Variants in SRPK2 observed in about 807,000 individuals in gnomAD.
SRPK2 encodes the protein SRSF protein kinase 2.
SRPK2 carries 21 observed loss-of-function variants against 90.8 expected under a neutral mutation model. That is an observed-to-expected ratio of 0.23 (90% confidence interval 0.16 to 0.33). The LOEUF (loss-of-function observed/expected upper bound fraction) is 0.33. Ranked by LOEUF, SRPK2 falls within the 10% of genes least tolerant of loss-of-function variation. The probability of loss-of-function intolerance (pLI) is 1.00; values close to 1 mark genes in which losing one functional copy is unlikely to be tolerated. For synonymous variants in SRPK2, 288 were observed against 311.1 expected (o/e 0.93, Z 0.78); for missense variants, 620 against 869.0 (o/e 0.71, Z 3.60).
intron 2 of SRPK2, among the ~76,000 whole-genome samples, chr7:105,378,126 C>T (rs1820522945): frequency 6.6e-6 from 1 of 152,156 alleles, no homozygotes; most frequent in African/African-American, 2.4e-5. Flanking sequence ...AGACTACACG[C>T]CATTTTAAAC....
At chr7:105,362,535 A>G (rs977480300) in intron 2 of SRPK2, among the ~76,000 whole-genome samples, 1 of 150,966 alleles carries the variant, frequency 6.6e-6, no homozygotes, top group Non-Finnish European at 1.5e-5. Context: ...AAAAAAAAAA[A>G]GTCAGGAAAC....
chr7:105,347,608 C>T (rs1398803687), intron 2 of SRPK2, among the ~76,000 whole-genome samples: 1 of 151,926 alleles, frequency 6.6e-6, no homozygotes, highest in Non-Finnish European at 1.5e-5. Context: ...ACTCCCAGCA[C>T]TTTGGGAGAC....
chr7:105,262,961 C>T (rs971675544), intron 2 of SRPK2, among the ~76,000 whole-genome samples: 2 of 152,326 alleles, frequency 1.3e-5, no homozygotes, highest in Non-Finnish European at 2.9e-5. Flanking sequence ...CACTAAAACT[C>T]AGCAACTGCA....
intron 2 of SRPK2, among the ~76,000 whole-genome samples, chr7:105,283,658 G>T (rs750421795): frequency 6.6e-6 from 1 of 152,138 alleles, no homozygotes; most frequent in Non-Finnish European, 1.5e-5. Flanking sequence ...TCTCTTTGAG[G>T]TGATGAAAAT....
At chr7:105,267,621 T>G (rs1034752702) in intron 2 of SRPK2, among the ~76,000 whole-genome samples, 2 of 152,188 alleles carry the variant, frequency 1.3e-5, no homozygotes, top group African/African-American at 4.8e-5. Flanking sequence ...TCATTTTTAT[T>G]TGTGATGCCC....
At chr7:105,352,390 CAAG>C (rs1259402979) in intron 2 of SRPK2, among the ~76,000 whole-genome samples, 3 of 152,196 alleles carry the variant, frequency 2.0e-5, no homozygotes, top group Admixed American at 1.3e-4. Flanking sequence ...TGAGAACATT[CAAG>C]AAGAGGTCCA....
At chr7:105,363,562 A>G (rs1366703586) in intron 2 of SRPK2, among the ~76,000 whole-genome samples, 2 of 152,274 alleles carry the variant, frequency 1.3e-5, no homozygotes, top group African/African-American at 2.4e-5. Context: ...AAATAGGAAC[A>G]CTTTTACACG....
chr7:105,191,864 AAAAAAAAAC>A (rs1208264295), intron 3 of SRPK2, among the ~76,000 whole-genome samples: 16 of 54,180 alleles, frequency 3.0e-4, no homozygotes, highest in East Asian at 2.7e-3. Flanking sequence ...ATCCTTTTGT[AAAAAAAAAC>A]AAAAAAAACT....
chr7:105,254,734 G>A lies in SRPK2; in HGVS notation c.72-50949C>T, dbSNP rs559146301. On this transcript the variant is annotated intron_variant, in intron 2 of 15. Transcript: ENST00000393651. ...AGACAGAGTCTCGCCCCGTCACCCAGGCTGGAGTGCAGTGGTGTGGTCTTG... is the reference window on the plus strand; with the variant it reads ...AGACAGAGTCTCGCCCCGTCACCCAAGCTGGAGTGCAGTGGTGTGGTCTTG... Among the ~76,000 whole-genome samples, 77 of 152,054 alleles carry A rather than the reference G, an allele frequency of 5.1e-4. 1 individual carries two copies. The South Asian group carries it at 0.015, about 30-fold the overall frequency.
chr7:105,275,208 G>C (rs1376054178), intron 2 of SRPK2, among the ~76,000 whole-genome samples: 1 of 152,168 alleles, frequency 6.6e-6, no homozygotes, highest in African/African-American at 2.4e-5. Flanking sequence ...TCCTTGTGGA[G>C]AGCAGCAGGA....
chr7:105,331,234 C>T (rs1232069484), intron 2 of SRPK2, among the ~76,000 whole-genome samples: 9 of 128,938 alleles, frequency 7.0e-5, no homozygotes, highest in South Asian at 2.5e-4. Flanking sequence ...ACTTGAACCT[C>T]GGAGGCAGAG....
intron 3 of SRPK2, among the ~76,000 whole-genome samples, chr7:105,193,413 C>T (rs1420346641): frequency 1.3e-5 from 2 of 152,172 alleles, no homozygotes; most frequent in African/African-American, 4.8e-5. Context: ...TATACCAGTA[C>T]CATGCTGTTT....
In SRPK2 at chr7:105,323,967, T is replaced by TG. The variant is rs1813232169; in HGVS notation, c.71+64680_71+64681insC. ...AAAAAGACTTTGGTCAGACTATTCT[T>TG]TGTGTGTGTGTGTGTGTGTGTGTGT... On this transcript the variant is annotated intron_variant, in intron 2 of 15. Coordinates refer to ENST00000393651, the MANE Select transcript of SRPK2 (RefSeq NM_182692.3). Among the ~76,000 whole-genome samples the TG allele has an allele frequency of 2.7e-3, 364 of 133,900 alleles. 2 individuals carry two copies. Among genetic ancestry groups the TG allele is most frequent in the African/African-American group, 9.5e-3 (348 of 36,668 alleles). 87.8% of individuals were successfully genotyped at this position (133,900 alleles called of 152,430 possible).
At chr7:105,307,107 C>T (rs973543674) in intron 2 of SRPK2, among the ~76,000 whole-genome samples, 1 of 152,140 alleles carries the variant, frequency 6.6e-6, no homozygotes, top group Non-Finnish European at 1.5e-5. Flanking sequence ...CATACAAGAA[C>T]TAATGAACTA....
intron 2 of SRPK2, among the ~76,000 whole-genome samples, chr7:105,265,447 T>TG (rs1284134847): frequency 6.6e-6 from 1 of 152,196 alleles, no homozygotes; most frequent in Admixed American, 6.5e-5. Context: ...TTGATATCTA[T>TG]GGGGGGTCAT....
chr7:105,317,830 C>T (rs987954447), intron 2 of SRPK2, among the ~76,000 whole-genome samples: 1 of 152,142 alleles, frequency 6.6e-6, no homozygotes, highest in African/African-American at 2.4e-5. Flanking sequence ...GTCACTGTAG[C>T]CTCAACCTCC....
At chr7:105,157,243 C>T (rs1031594004) in intron 7 of SRPK2, among the ~76,000 whole-genome samples, 2 of 152,086 alleles carry the variant, frequency 1.3e-5, no homozygotes, top group Non-Finnish European at 2.9e-5. Flanking sequence ...TGGGGAAGCA[C>T]AGCAAGTGAT....
chr7:105,361,412 T>C (rs1023836579), intron 2 of SRPK2, among the ~76,000 whole-genome samples: 14 of 152,302 alleles, frequency 9.2e-5, no homozygotes, highest in Admixed American at 7.8e-4. Flanking sequence ...AGGTAATTTA[T>C]AGATTCAATG....
intron 2 of SRPK2, among the ~76,000 whole-genome samples, chr7:105,261,336 A>G (rs1460026038): frequency 6.6e-6 from 1 of 152,140 alleles, no homozygotes; most frequent in Non-Finnish European, 1.5e-5. Flanking sequence ...CCTGGCTGAC[A>G]CTGTGAAACC....
Sources: gnomAD v4.1 joint callset for allele counts (sites outside exome capture counted in the v4.1 genomes callset) on GRCh38, gnomAD v4.1.1 for gene constraint, MANE v1.5 for transcripts, NCBI Gene and HGNC (gene_info 2026-07-23, HGNC 2026-07-21) for gene names.